The following GRIA2 variants were observed in gnomAD, a reference collection of about 807,000 sequenced individuals.
GRIA2 encodes the protein glutamate ionotropic receptor AMPA type subunit 2, also known as glutamate receptor 2.
A neutral mutation model predicts 97.3 loss-of-function variants in GRIA2; 14 were observed. The observed-to-expected ratio is 0.14, with a 90% CI of 0.10 to 0.23. The LOEUF (loss-of-function observed/expected upper bound fraction) is 0.23, where lower values mean the gene tolerates loss of function less well. Ranked by LOEUF, GRIA2 falls within the 10% of genes least tolerant of loss-of-function variation. The probability of loss-of-function intolerance (pLI) is 1.00; values close to 1 mark genes in which losing one functional copy is unlikely to be tolerated. For synonymous variants in GRIA2, 412 were observed against 387.8 expected, an observed-to-expected ratio of 1.06 and a Z score of -0.73; for missense variants, 558 against 1,069.8, an observed-to-expected ratio of 0.52 and a Z score of 6.67.
intron 2 of GRIA2, among the ~76,000 whole-genome samples, chr4:157,290,250 A>G (rs898846683): frequency 1.3e-5 from 2 of 151,864 alleles, no homozygotes; most frequent in African/African-American, 4.8e-5. Flanking sequence ...TTTAGGGGAA[A>G]TATTATTTTA....
chr4:157,361,785 G>T lies in GRIA2; in HGVS notation c.2406+661G>T. ...CAAATATGCATGAGATGCATAATTT[G>T]GTAAGATGTTTTGGTAATGCCTGCA... On this transcript the variant is annotated intron_variant, in intron 14 of 15. Transcript: ENST00000264426. The surrounding 1 kb of genome is among the most constrained non-coding windows in gnomAD (Gnocchi z 5.2). 1 of 630,050 alleles carries T rather than the reference G, an allele frequency of 1.6e-6. No homozygotes were observed. The highest frequency in any genetic ancestry group is 2.8e-5 in the East Asian group (1 of 35,474). The allele number at this position is 630,050 out of a possible 1,614,324, so 39.0% of individuals were successfully genotyped here.
At chr4:157,230,302 A>T (rs1561001193) in intron 2 of GRIA2, among the ~76,000 whole-genome samples, 2 of 152,184 alleles carry the variant, frequency 1.3e-5, no homozygotes, top group African/African-American at 2.4e-5. Context: ...GAATAAAAGG[A>T]TAGAGTGGGC....
In GRIA2 at chr4:157,221,474, G is replaced by T. The variant is rs1729490196; in HGVS notation, c.89-193G>T. 11 of 607,354 alleles carry T rather than the reference G, an allele frequency of 1.8e-5. 2 individuals carry two copies. The highest frequency in any genetic ancestry group is 1.7e-4 in the South Asian group (8 of 48,104). 37.6% of individuals were successfully genotyped at this position (607,354 alleles called of 1,614,324 possible). A position where few individuals can be genotyped will look rare whatever the true frequency, so the allele number is the denominator to read the frequency against. On this transcript the variant is annotated intron_variant, in intron 1 of 15. Transcript: ENST00000264426. ...TTTCTGGCCGCCTACCTCGCCTTCAGACTCTCATCTGGGTCTTGACCCCTT... is the reference window on the plus strand; with the variant it reads ...TTTCTGGCCGCCTACCTCGCCTTCATACTCTCATCTGGGTCTTGACCCCTT...
At chr4:157,282,746 T>C (rs1012790734) in intron 2 of GRIA2, among the ~76,000 whole-genome samples, 2 of 152,094 alleles carry the variant, frequency 1.3e-5, no homozygotes, top group Admixed American at 1.3e-4. Context: ...AATAATACAA[T>C]TACCATCCCT....
chr4:157,239,114 A>C (rs1730383562), intron 2 of GRIA2, among the ~76,000 whole-genome samples: 1 of 152,128 alleles, frequency 6.6e-6, no homozygotes, highest in Admixed American at 6.6e-5. Context: ...CTGCCGAGGC[A>C]AGAACCATGC....
At position 157,313,900 on chromosome 4, in the gene GRIA2, C is replaced by T. The variant is rs1387544060; in HGVS notation, c.666+1025C>T. On this transcript the variant is annotated intron_variant, in intron 4 of 15. Transcript: ENST00000264426. ...TTTGTATGTTATATGTATTATATAC[C>T]ATATTGTTATAATAAAGTAAGCTAG... is the stretch of plus-strand genomic sequence containing the variant. Among the ~76,000 whole-genome samples, 4 of 151,818 alleles carry T rather than the reference C, an allele frequency of 2.6e-5. No homozygotes were observed. The South Asian group carries it at 8.3e-4, about 32-fold the overall frequency.
chr4:157,227,316 A>G (rs893174893), intron 2 of GRIA2, among the ~76,000 whole-genome samples: 5 of 152,148 alleles, frequency 3.3e-5, no homozygotes, highest in Admixed American at 6.5e-5. Context: ...GTTTTCTCAT[A>G]ATCTCTTCCA....
At chr4:157,352,383 C>A (rs1736047071) in intron 12 of GRIA2, among the ~76,000 whole-genome samples, 1 of 151,800 alleles carries the variant, frequency 6.6e-6, no homozygotes, top group Non-Finnish European at 1.5e-5. Context: ...TTTTAAGATT[C>A]ATTCTAGTAC....
At chr4:157,362,358 C>T in intron 14 of GRIA2, 2 of 456,302 alleles carry the variant, frequency 4.4e-6, no homozygotes, top group Admixed American at 2.4e-5. Flanking sequence ...AAGCCAGTAA[C>T]ATGGTCAACA....
intron 12 of GRIA2, among the ~76,000 whole-genome samples, chr4:157,344,791 A>T (rs1012734490): frequency 1.3e-5 from 2 of 152,230 alleles, no homozygotes; most frequent in African/African-American, 4.8e-5. Flanking sequence ...TTAGCATCGC[A>T]GACATGGATT....
intron 6 of GRIA2, among the ~76,000 whole-genome samples, chr4:157,331,238 T>C (rs74509240): frequency 0.034 from 5,170 of 152,076 alleles, 145 homozygotes; most frequent in Middle Eastern, 0.14. Flanking sequence ...ATTCATAATA[T>C]GCTACGTGGA....
chr4:157,244,234 A>G (rs2126723879), intron 2 of GRIA2, among the ~76,000 whole-genome samples: 1 of 152,144 alleles, frequency 6.6e-6, no homozygotes, highest in African/African-American at 2.4e-5. Context: ...AGGGAGCAAA[A>G]GGGTGGGCAA....
In GRIA2 at chr4:157,358,086, G is replaced by A. The variant is rs570044822; in HGVS notation, c.2044-1810G>A. Among the ~76,000 whole-genome samples, 6 of 152,120 alleles carry A rather than the reference G, an allele frequency of 3.9e-5. No individual in the cohort carries two copies. The South Asian group carries it at 6.2e-4, about 16-fold the overall frequency. On this transcript the variant is annotated intron_variant, in intron 12 of 15. Transcript: ENST00000264426. ...TTTGTTCCAAAATTGTGATATTGAC[G>A]TCATGTTTTTGTGAGAATTCACATT... is the stretch of plus-strand genomic sequence containing the variant.
In GRIA2 at chr4:157,303,763, G is replaced by A. The variant is rs377529956; in HGVS notation, c.441G>A (p.Lys147=). Residue 147 remains lysine (K), a synonymous_variant, in exon 3 of 16, where the codon AAG becomes AAA. Transcript: ENST00000264426. ...LSLIEYYQWD[K]FAYLYDSDRG... ...TGATTGAATACTATCAATGGGACAA[G>A]TTTGCATACCTCTATGACAGTGACA... 1 of 1,613,888 alleles carries A rather than the reference G, an allele frequency of 6.2e-7. No individual in the cohort carries two copies. The highest frequency in any genetic ancestry group is 8.5e-7 in the Non-Finnish European group (1 of 1,179,822).
intron 11 of GRIA2, among the ~76,000 whole-genome samples, chr4:157,338,030 A>G (rs1260964713): frequency 1.7e-4 from 2 of 11,768 alleles, no homozygotes; most frequent in African/African-American, 2.7e-4. Context: ...ATATATATAT[A>G]TATATATATA....
intron 12 of GRIA2, chr4:157,342,017 G>A: frequency 8.2e-6 from 3 of 365,522 alleles, no homozygotes; most frequent in Non-Finnish European, 1.1e-5. Context: ...TTAGATGTAG[G>A]TTACTTTTTT....
At chr4:157,255,482 A>G (rs35449385) in intron 2 of GRIA2, among the ~76,000 whole-genome samples, 4,435 of 152,080 alleles carry the variant, frequency 0.029, 102 homozygotes, top group Non-Finnish European at 0.048. Context: ...AAATCTCCAT[A>G]CTGTTTTCCA....
At chr4:157,236,672 G>A (rs1458358517) in intron 2 of GRIA2, among the ~76,000 whole-genome samples, 2 of 152,114 alleles carry the variant, frequency 1.3e-5, no homozygotes, top group African/African-American at 4.8e-5. Flanking sequence ...GTATGAGTAT[G>A]TCTGTTTCTG....
At chr4:157,266,099 A>G (rs567161502) in intron 2 of GRIA2, among the ~76,000 whole-genome samples, 28 of 152,086 alleles carry the variant, frequency 1.8e-4, no homozygotes, top group East Asian at 7.7e-4. Flanking sequence ...TTAATTCTCA[A>G]TGGAAGAGAG....
Sources: allele counts gnomAD v4.1 joint callset (sites outside exome capture counted in the v4.1 genomes callset), GRCh38; gene constraint gnomAD v4.1.1; non-coding constraint Gnocchi (gnomAD v3.1); transcripts MANE v1.5; gene names NCBI Gene and HGNC (gene_info 2026-07-23, HGNC 2026-07-21).